GPHN: variants seen among roughly 807,000 people sequenced by gnomAD.
GPHN encodes gephyrin.
A neutral mutation model predicts 95.5 loss-of-function variants in GPHN; 17 were observed. That is an observed-to-expected ratio of 0.18 (90% CI 0.12 to 0.27). The LOEUF is 0.27. GPHN is among the 10% of genes least tolerant of loss of function. The probability of loss-of-function intolerance (pLI) is 1.00; values close to 1 mark genes in which losing one functional copy is unlikely to be tolerated. For missense variants in GPHN, 660 were observed against 978.1 expected (o/e 0.67, Z 4.34); for synonymous variants, 320 against 322.5 (o/e 0.99, Z 0.08).
chr14:67,041,866 C>T (rs1327731265), intron 10 of GPHN, among the ~76,000 whole-genome samples: 1 of 152,186 alleles, frequency 6.6e-6, no homozygotes, highest in Non-Finnish European at 1.5e-5. Context: ...CTTCCACAAC[C>T]TCTCCAGCAT....
At chr14:66,969,672 A>C (rs1282844569) in intron 9 of GPHN, 1 of 152,080 alleles carries the variant, frequency 6.6e-6, no homozygotes, top group African/African-American at 2.4e-5. Flanking sequence ...GTGGTGGCAC[A>C]TGCCTGTAAT....
At chr14:67,182,367 T>C (rs1009721269), downstream of GPHN, among the ~76,000 whole-genome samples, 4 of 152,172 alleles carry the variant, frequency 2.6e-5, no homozygotes, top group South Asian at 6.2e-4. Context: ...AGATGTTAAA[T>C]ATACTGTAAA....
the GPHN span, among the ~76,000 whole-genome samples, chr14:67,452,614 G>A: frequency 2.0e-5 from 3 of 152,182 alleles, no homozygotes; most frequent in Non-Finnish European, 4.4e-5. Context: ...AGGTTTTATA[G>A]GAAGCAGGGC....
rs563344820 is a variant in GPHN at position 66,699,554 on chromosome 14, G to C, written c.143+18369G>C. Among the ~76,000 whole-genome samples the C allele has an allele frequency of 2.0e-5, 3 of 152,124 alleles. No homozygotes were observed. The East Asian group carries it at 5.8e-4, about 29-fold the overall frequency. ...TAGTTCATTAGAATTGTTATAAGAAGTTGTTGTTGAATAATTTCAGGTCAA... is the reference window on the plus strand; with the variant it reads ...TAGTTCATTAGAATTGTTATAAGAACTTGTTGTTGAATAATTTCAGGTCAA... On this transcript the variant is annotated intron_variant, in intron 2 of 22. Coordinates refer to ENST00000478722, the MANE Select transcript of GPHN (RefSeq NM_020806.5).
At chr14:66,660,882 A>T (rs2065602216) in intron 1 of GPHN, among the ~76,000 whole-genome samples, 1 of 152,156 alleles carries the variant, frequency 6.6e-6, no homozygotes, top group Non-Finnish European at 1.5e-5. Flanking sequence ...GTGAGTGAAT[A>T]TGTGACCCTG....
chr14:67,342,290 T>A, the GPHN span, among the ~76,000 whole-genome samples: 2 of 151,744 alleles, frequency 1.3e-5, no homozygotes, highest in Non-Finnish European at 2.9e-5. Flanking sequence ...GTAACTACTG[T>A]AAACATGGTG....
intron 11 of GPHN, among the ~76,000 whole-genome samples, chr14:67,079,711 T>C (rs2076618142): frequency 6.6e-6 from 1 of 152,096 alleles, no homozygotes; most frequent in African/African-American, 2.4e-5. Context: ...TCTTCAGAAT[T>C]GTTTCAATTC....
chr14:67,159,812 A>G (rs1397145849), intron 19 of GPHN, among the ~76,000 whole-genome samples: 3 of 152,104 alleles, frequency 2.0e-5, no homozygotes, highest in Non-Finnish European at 1.5e-5. Flanking sequence ...AAAATAATTA[A>G]TATGAGAACT....
chr14:67,187,406 A>T, the GPHN span, among the ~76,000 whole-genome samples: 2 of 152,082 alleles, frequency 1.3e-5, no homozygotes, highest in Non-Finnish European at 2.9e-5. Context: ...AAGCCCAGTG[A>T]GTCACCAAAT....
the GPHN span, chr14:67,473,391 G>A: frequency 1.2e-6 from 2 of 1,606,310 alleles, no homozygotes; most frequent in Non-Finnish European, 1.7e-6. This position sits in a 1 kb window ranked among gnomAD's most constrained non-coding sequence, Gnocchi z 6.5. Context: ...TTCCATGAGA[G>A]ATCCCCAGGC....
the GPHN span, among the ~76,000 whole-genome samples, chr14:67,502,135 C>T: frequency 1.3e-5 from 2 of 152,100 alleles, no homozygotes; most frequent in South Asian, 4.2e-4. Context: ...GAGTTTGAGA[C>T]CAACCTGACC....
At chr14:67,054,530 G>A (rs555167529) in intron 10 of GPHN, among the ~76,000 whole-genome samples, 1 of 152,182 alleles carries the variant, frequency 6.6e-6, no homozygotes, top group African/African-American at 2.4e-5. Flanking sequence ...ACTGCCCAGA[G>A]TAATTTATAG....
chr14:66,718,963 C>A (rs947638763), intron 2 of GPHN, among the ~76,000 whole-genome samples: 2 of 152,094 alleles, frequency 1.3e-5, no homozygotes, highest in Non-Finnish European at 2.9e-5. Flanking sequence ...TCTCACACGT[C>A]CTTCAGGTTG....
intron 17 of GPHN, 89 bp downstream of exon 17, chr14:67,122,466 C>T (rs1310032701): frequency 1.8e-6 from 2 of 1,129,780 alleles, no homozygotes; most frequent in East Asian, 4.9e-5. Context: ...GCTAAAGAGA[C>T]AGAAATTTAA....
chr14:67,663,038 T>C, the GPHN span: 1 of 1,423,938 alleles, frequency 7.0e-7, no homozygotes, highest in East Asian at 2.6e-5. Context: ...CTCGGCTTGC[T>C]GAGAGGCTGT....
chr14:66,645,150 C>T (rs2064663402), intron 1 of GPHN, among the ~76,000 whole-genome samples: 1 of 151,996 alleles, frequency 6.6e-6, no homozygotes, highest in South Asian at 2.1e-4. Context: ...CTTAGAAATT[C>T]CTGAATATTT....
intron 2 of GPHN, 39 bp downstream of exon 2, chr14:66,681,224 C>T (rs565920386): frequency 8.5e-7 from 1 of 1,177,694 alleles, no homozygotes; most frequent in Admixed American, 1.7e-5. Context: ...TAAATTAAAA[C>T]TTTATTATTA....
intron 8 of GPHN, among the ~76,000 whole-genome samples, chr14:66,959,892 T>A (rs1015949369): frequency 6.6e-6 from 1 of 152,074 alleles, no homozygotes; most frequent in Non-Finnish European, 1.5e-5. Flanking sequence ...TTCCACAGGT[T>A]GCTTAAGCCA....
the GPHN span, among the ~76,000 whole-genome samples, chr14:67,249,000 TC>T: frequency 2.0e-5 from 3 of 151,098 alleles, no homozygotes; most frequent in Non-Finnish European, 4.4e-5. Context: ...TCTCACTCTG[TC>T]CCCCAGGCTG....
Sources: gnomAD v4.1 joint callset for allele counts (sites outside exome capture counted in the v4.1 genomes callset) on GRCh38, gnomAD v4.1.1 for gene constraint, Gnocchi (gnomAD v3.1) non-coding constraint, MANE v1.5 for transcripts, NCBI Gene and HGNC (gene_info 2026-07-23, HGNC 2026-07-21) for gene names.